MBTD1: variants seen among roughly 807,000 people sequenced by gnomAD.
MBTD1 encodes the protein mbt domain containing 1.
MBTD1 carries 24 observed loss-of-function variants against 87.8 expected under a neutral mutation model. The observed-to-expected ratio is 0.27, with a 90% CI of 0.20 to 0.38. The LOEUF is 0.38. Ranked by LOEUF, MBTD1 falls within the 10% of genes least tolerant of loss-of-function variation. The pLI, the probability that MBTD1 is intolerant of heterozygous loss-of-function variation, is 1.00. For missense variants in MBTD1, 436 were observed against 760.2 expected (o/e 0.57, Z 5.02); for synonymous variants, 237 against 248.6 (o/e 0.95, Z 0.44).
intron 2 of MBTD1, among the ~76,000 whole-genome samples, chr17:51,258,016 A>AT (rs2055193900): frequency 1.3e-5 from 2 of 151,976 alleles, no homozygotes; most frequent in Non-Finnish European, 2.9e-5. Context: ...TGCAAAAAAA[A>AT]AAAAAAAGTA....
chr17:51,214,068 T>C (rs2052421882), intron 6 of MBTD1, among the ~76,000 whole-genome samples: 1 of 152,078 alleles, frequency 6.6e-6, no homozygotes, highest in Admixed American at 6.6e-5. Flanking sequence ...TATATATGTA[T>C]AAACACACAC....
chr17:51,221,721 T>C (rs923308319), intron 3 of MBTD1, among the ~76,000 whole-genome samples: 3 of 152,244 alleles, frequency 2.0e-5, no homozygotes, highest in African/African-American at 7.2e-5. Flanking sequence ...TTAACAATTA[T>C]TTGCATGGCA....
At chr17:51,241,720 T>C (rs1379499069) in intron 2 of MBTD1, among the ~76,000 whole-genome samples, 3 of 152,112 alleles carry the variant, frequency 2.0e-5, no homozygotes, top group Non-Finnish European at 2.9e-5. Flanking sequence ...CCTGCCACCA[T>C]GCCAGGCTAT....
At chr17:51,198,006 A>G (rs1390872942) in intron 12 of MBTD1, among the ~76,000 whole-genome samples, 1 of 152,018 alleles carries the variant, frequency 6.6e-6, no homozygotes, top group Non-Finnish European at 1.5e-5. Flanking sequence ...GAGCTTCTAC[A>G]CCAGTGATTC....
At chr17:51,260,209 T>G, upstream of MBTD1, 1 of 405,150 alleles carries the variant, frequency 2.5e-6, no homozygotes, top group Non-Finnish European at 4.4e-6. Flanking sequence ...GTATTGGGGC[T>G]TGTGTCAAGT....
intron 1 of MBTD1, among the ~76,000 whole-genome samples, chr17:51,259,540 G>C (rs2055329464): frequency 6.6e-6 from 1 of 152,300 alleles, no homozygotes; most frequent in African/African-American, 2.4e-5. Flanking sequence ...CCCCTAGCCA[G>C]AGCAGGGGGC....
chr17:51,221,072 T>A (rs1293445050), intron 3 of MBTD1, among the ~76,000 whole-genome samples: 1 of 152,188 alleles, frequency 6.6e-6, no homozygotes. Context: ...GCAGGAGAAC[T>A]GGCTCAAGGC....
chr17:51,214,997 G>A (rs2052483680), intron 6 of MBTD1, among the ~76,000 whole-genome samples: 1 of 152,184 alleles, frequency 6.6e-6, no homozygotes, highest in Non-Finnish European at 1.5e-5. Context: ...AATGAAGTGT[G>A]GCCCCCTTAA....
At chr17:51,242,426 T>C (rs972255453) in intron 2 of MBTD1, among the ~76,000 whole-genome samples, 1 of 152,238 alleles carries the variant, frequency 6.6e-6, no homozygotes, top group Non-Finnish European at 1.5e-5. Context: ...CATTACAGCA[T>C]ATCACTACAA....
rs190598909 is a variant in MBTD1 at position 51,216,021 on chromosome 17, T to C, written c.486+1313A>G. ...ATCTCAGCTCACTGCAACCTCTGCCTCCTGGGTTCAAGTGATTCTCATGCC... is the reference window on the plus strand; with the variant it reads ...ATCTCAGCTCACTGCAACCTCTGCCCCCTGGGTTCAAGTGATTCTCATGCC... On this transcript the variant is annotated intron_variant, in intron 6 of 16. Coordinates refer to ENST00000586178, the MANE Select transcript of MBTD1 (RefSeq NM_017643.3). Among the ~76,000 whole-genome samples the C allele has an allele frequency of 3.9e-3, 569 of 144,642 alleles. 4 individuals are homozygous for C. Among genetic ancestry groups the C allele is most frequent in the African/African-American group, 0.014 (544 of 38,784 alleles). The allele number at this position is 144,642 out of a possible 152,430, so 94.9% of individuals were successfully genotyped here.
intron 2 of MBTD1, among the ~76,000 whole-genome samples, chr17:51,235,960 A>C (rs924397470): frequency 1.3e-5 from 2 of 152,182 alleles, no homozygotes; most frequent in African/African-American, 4.8e-5. Flanking sequence ...CAAAAAGATC[A>C]ATGAAACAGA....
At chr17:51,224,736 T>TAA (rs1292911608) in intron 3 of MBTD1, among the ~76,000 whole-genome samples, 6 of 152,244 alleles carry the variant, frequency 3.9e-5, no homozygotes, top group African/African-American at 1.4e-4. Flanking sequence ...TACTTTCAGT[T>TAA]ACAGAGGCAT....
At chr17:51,205,806 A>T (rs983898691) in intron 7 of MBTD1, among the ~76,000 whole-genome samples, 4 of 152,238 alleles carry the variant, frequency 2.6e-5, no homozygotes, top group African/African-American at 9.6e-5. Context: ...TGAACAGAAA[A>T]ATAAAATTAA....
intron 16 of MBTD1, among the ~76,000 whole-genome samples, chr17:51,187,093 G>A (rs1442618792): frequency 6.6e-6 from 1 of 151,908 alleles, no homozygotes. Context: ...AAAGCTTATT[G>A]CCTGTAAATT....
At chr17:51,235,559 T>G (rs531820801) in intron 2 of MBTD1, among the ~76,000 whole-genome samples, 1 of 152,208 alleles carries the variant, frequency 6.6e-6, no homozygotes, top group African/African-American at 2.4e-5. Context: ...TGAAAATCAA[T>G]AAATTCACCG....
intron 2 of MBTD1, among the ~76,000 whole-genome samples, chr17:51,248,553 G>C (rs2054587028): frequency 1.3e-5 from 2 of 152,086 alleles, no homozygotes. Context: ...TCTCTCCCCA[G>C]TCCTGAGTTC....
intron 2 of MBTD1, among the ~76,000 whole-genome samples, chr17:51,254,686 C>A (rs776158192): frequency 3.5e-4 from 53 of 152,172 alleles, no homozygotes; most frequent in Non-Finnish European, 6.6e-4. Context: ...GTTTCCCTCT[C>A]TTCTAAATAA....
chr17:51,215,571 G>GCGT, intron 6 of MBTD1, among the ~76,000 whole-genome samples: 1 of 152,268 alleles, frequency 6.6e-6, no homozygotes, highest in East Asian at 1.9e-4. Context: ...CTAATTCTGA[G>GCGT]CGTCAAGAAA....
chr17:51,238,768 T>C (rs967795866), intron 2 of MBTD1, among the ~76,000 whole-genome samples: 5 of 152,162 alleles, frequency 3.3e-5, no homozygotes, highest in South Asian at 4.1e-4. Flanking sequence ...TTATGTACTA[T>C]ATAAACACTA....
Sources: allele counts gnomAD v4.1 joint callset (sites outside exome capture counted in the v4.1 genomes callset), GRCh38; gene constraint gnomAD v4.1.1; transcripts MANE v1.5; gene names NCBI Gene and HGNC (gene_info 2026-07-23, HGNC 2026-07-21).